The following PCDH11Y variants were observed in gnomAD, a reference collection of about 807,000 sequenced individuals.
PCDH11Y encodes the protein protocadherin-11 Y-linked.
For missense variants in PCDH11Y, 12 were observed against 224.8 expected (o/e 0.05, Z 6.05); for synonymous variants, 9 against 83.6 (o/e 0.11, Z 4.87).
intron 2 of PCDH11Y, among the ~76,000 whole-genome samples, chrY:5,351,218 A>G: frequency 6.2e-5 from 2 of 32,466 alleles, no homozygotes; most frequent in South Asian, 6.8e-4. Context: ...AAATAAAAAA[A>G]TAAATTAAAA....
At chrY:5,066,357 C>T in intron 1 of PCDH11Y, among the ~76,000 whole-genome samples, 4 of 32,676 alleles carry the variant, frequency 1.2e-4, no homozygotes, top group African/African-American at 3.6e-4. Flanking sequence ...ACTGCCTCTA[C>T]GGTCTGGATG....
At chrY:5,151,071 C>T (rs2563006) in intron 2 of PCDH11Y, among the ~76,000 whole-genome samples, 1 of 33,350 alleles carries the variant, frequency 3.0e-5, no homozygotes, top group Non-Finnish European at 7.5e-5. Flanking sequence ...TTGTAAACAA[C>T]GTAAGTGATA....
At chrY:5,728,481 G>A in intron 4 of PCDH11Y, among the ~76,000 whole-genome samples, 1 of 32,746 alleles carries the variant, frequency 3.1e-5, no homozygotes, top group Admixed American at 2.8e-4. Context: ...CAAATAGAAT[G>A]GTATCTCTTT....
At chrY:5,206,180 A>G in intron 2 of PCDH11Y, among the ~76,000 whole-genome samples, 2 of 33,307 alleles carry the variant, frequency 6.0e-5, no homozygotes, top group Non-Finnish European at 1.5e-4. Context: ...TGATAAAGAC[A>G]TACCTGAGAC....
chrY:5,497,436 T>A (rs2053346248), intron 2 of PCDH11Y, among the ~76,000 whole-genome samples: 36 of 33,750 alleles, frequency 1.1e-3, no homozygotes, highest in Non-Finnish European at 2.6e-3. Context: ...GCTGCATAAA[T>A]GTCTTCTTTT....
At chrY:5,347,203 C>G (rs377472407) in intron 2 of PCDH11Y, among the ~76,000 whole-genome samples, 1 of 33,074 alleles carries the variant, frequency 3.0e-5, no homozygotes, top group Non-Finnish European at 7.4e-5. Context: ...GTAATCCCAG[C>G]ACTTTGGTAG....
At chrY:5,457,930 T>C (rs2053299742) in intron 2 of PCDH11Y, among the ~76,000 whole-genome samples, 1 of 33,381 alleles carries the variant, frequency 3.0e-5, no homozygotes, top group South Asian at 6.5e-4. Flanking sequence ...CGTTCAATTA[T>C]ACATTATATG....
intron 2 of PCDH11Y, among the ~76,000 whole-genome samples, chrY:5,359,003 T>C: frequency 3.8e-5 from 1 of 26,034 alleles, no homozygotes; most frequent in Non-Finnish European, 8.6e-5. Context: ...TGTTTTCTTC[T>C]TAATGAAACT....
At chrY:5,223,741 G>A in intron 2 of PCDH11Y, among the ~76,000 whole-genome samples, 1 of 33,376 alleles carries the variant, frequency 3.0e-5, no homozygotes. Flanking sequence ...ACAGACATGT[G>A]CCACCATCCC....
chrY:5,511,791 T>G, intron 3 of PCDH11Y, among the ~76,000 whole-genome samples: 1 of 33,693 alleles, frequency 3.0e-5, no homozygotes. Flanking sequence ...CAAAAGACCA[T>G]GAATTTCTTT....
intron 2 of PCDH11Y, among the ~76,000 whole-genome samples, chrY:5,411,707 TTG>T (rs2053247584): frequency 3.2e-5 from 1 of 31,030 alleles, no homozygotes; most frequent in Non-Finnish European, 7.8e-5. Context: ...TCCACATTGC[TTG>T]TTTTTGTCGA....
At chrY:5,068,045 T>G in intron 1 of PCDH11Y, among the ~76,000 whole-genome samples, 2 of 31,026 alleles carry the variant, frequency 6.4e-5, no homozygotes, top group Non-Finnish European at 1.6e-4. Context: ...AAAAGTTATT[T>G]TAAAGTGTCT....
chrY:5,604,537 AG>A (rs2053477320), intron 4 of PCDH11Y, among the ~76,000 whole-genome samples: 1 of 32,282 alleles, frequency 3.1e-5, no homozygotes, highest in Non-Finnish European at 7.6e-5. Flanking sequence ...TTTATACAAG[AG>A]ATTTGGCTTG....
chrY:5,115,107 C>T, intron 2 of PCDH11Y, among the ~76,000 whole-genome samples: 1 of 28,007 alleles, frequency 3.6e-5, no homozygotes. Context: ...GCATATAGTC[C>T]ATATACAAAG....
At chrY:5,178,446 C>G in intron 2 of PCDH11Y, among the ~76,000 whole-genome samples, 1 of 32,340 alleles carries the variant, frequency 3.1e-5, no homozygotes, top group Non-Finnish European at 7.6e-5. Flanking sequence ...GAAGTGAGGT[C>G]TAGAAGTCAG....
chrY:5,413,746 G>T, intron 2 of PCDH11Y, among the ~76,000 whole-genome samples: 1 of 32,668 alleles, frequency 3.1e-5, no homozygotes, highest in Non-Finnish European at 7.5e-5. Context: ...TGGTTGGAAG[G>T]CTATTTATTA....
chrY:5,439,233 A>G, intron 2 of PCDH11Y, among the ~76,000 whole-genome samples: 1 of 33,190 alleles, frequency 3.0e-5, no homozygotes, highest in Non-Finnish European at 7.4e-5. Flanking sequence ...GTTGCAGTGA[A>G]CATACAACAT....
intron 4 of PCDH11Y, among the ~76,000 whole-genome samples, chrY:5,587,841 G>A: frequency 6.4e-5 from 2 of 31,338 alleles, no homozygotes; most frequent in Non-Finnish European, 1.6e-4. Flanking sequence ...TATATTTCTT[G>A]TAGGCAATAG....
intron 1 of PCDH11Y, among the ~76,000 whole-genome samples, chrY:5,027,541 G>T: frequency 5.1e-5 from 1 of 19,644 alleles, no homozygotes; most frequent in Non-Finnish European, 9.9e-5. Flanking sequence ...GTAATAGCAT[G>T]TGGCTGAATG....
Sources: allele counts gnomAD v4.1 joint callset (sites outside exome capture counted in the v4.1 genomes callset), GRCh38; gene constraint gnomAD v4.1.1; transcripts MANE v1.5; gene names NCBI Gene and HGNC (gene_info 2026-07-23, HGNC 2026-07-21).